The following MTUS2 variants were observed in gnomAD, a reference collection of about 807,000 sequenced individuals.
MTUS2 encodes the protein microtubule associated scaffold protein 2, also known as microtubule-associated tumor suppressor candidate 2.
In MTUS2, 40 loss-of-function variants were observed where a neutral mutation model predicts 114.1. The observed-to-expected ratio is 0.35, with a 90% CI of 0.27 to 0.46. The LOEUF (loss-of-function observed/expected upper bound fraction) is 0.46. Among genes scored for constraint, MTUS2 ranks in the 20% least tolerant of loss-of-function variants. MTUS2 has a pLI of 1.00. For missense variants in MTUS2, 1,679 were observed against 1,705.4 expected (o/e 0.98, Z 0.27); for synonymous variants, 688 against 672.0 (o/e 1.02, Z -0.37).
chr13:29,069,068 T>C (rs1043758692), intron 4 of MTUS2, among the ~76,000 whole-genome samples: 1 of 151,744 alleles, frequency 6.6e-6, no homozygotes, highest in East Asian at 1.9e-4. Context: ...AGTGGGAGGG[T>C]AGGGGATGGA....
chr13:29,162,785 C>G (rs148610410), intron 5 of MTUS2, among the ~76,000 whole-genome samples: 1 of 152,246 alleles, frequency 6.6e-6, no homozygotes, highest in Non-Finnish European at 1.5e-5. Flanking sequence ...CTTCATTTCT[C>G]GCTTTCTGAT....
At position 29,024,120 on chromosome 13, in the gene MTUS2, A is replaced by G. The variant is rs117944937; in HGVS notation, c.-242-337A>G. On this transcript the variant is annotated intron_variant, in intron 2 of 15. Coordinates refer to ENST00000612955, the MANE Select transcript of MTUS2 (RefSeq NM_001033602.4). Reference sequence around the variant, plus strand: ...GCAAAATAGTGATTTTTCAAATTCTATAATTTTTTTCTACATTCGTTGATA... The same window carrying G: ...GCAAAATAGTGATTTTTCAAATTCTGTAATTTTTTTCTACATTCGTTGATA... 6.1e-3 allele frequency among the ~76,000 whole-genome samples: 924 copies of G among 152,346 alleles called. 7 individuals are homozygous for G. Among genetic ancestry groups the G allele is most frequent in the Non-Finnish European group, 9.2e-3 (629 of 68,026 alleles).
At chr13:29,264,215 T>C (rs1329550784) in intron 5 of MTUS2, among the ~76,000 whole-genome samples, 1 of 152,170 alleles carries the variant, frequency 6.6e-6, no homozygotes, top group African/African-American at 2.4e-5. Flanking sequence ...CAAAATAATC[T>C]CCTTTGACTC....
rs117490987 is a variant in MTUS2, at chr13:28,927,815, C to T, written c.-243+87965C>T. ...AAAGACTCTCAATAGCCAAAGCAAT[C>T]CTGAGCAAAAAGAAAAAGCCGGATG... is the stretch of plus-strand genomic sequence containing the variant. On this transcript the variant is annotated intron_variant, in intron 2 of 15. Transcript: ENST00000612955. 6.5e-3 allele frequency among the ~76,000 whole-genome samples: 994 copies of T among 152,178 alleles called. 7 individuals are homozygous for T. Among genetic ancestry groups the T allele is most frequent in the East Asian group, 0.042 (218 of 5,180 alleles).
At chr13:28,896,633 G>A (rs1418609405) in intron 2 of MTUS2, among the ~76,000 whole-genome samples, 5 of 152,126 alleles carry the variant, frequency 3.3e-5, no homozygotes, top group Non-Finnish European at 4.4e-5. Context: ...GTGGCGTCAC[G>A]CTACCTGACT....
intron 4 of MTUS2, among the ~76,000 whole-genome samples, chr13:29,061,445 T>A (rs1888413291): frequency 6.6e-6 from 1 of 152,228 alleles, no homozygotes; most frequent in South Asian, 2.1e-4. Flanking sequence ...AAAGTTGTTC[T>A]TACTCAGTCT....
At chr13:28,869,089 A>G (rs1207876444) in intron 2 of MTUS2, among the ~76,000 whole-genome samples, 1 of 152,234 alleles carries the variant, frequency 6.6e-6, no homozygotes, top group Non-Finnish European at 1.5e-5. Flanking sequence ...ATGTTTACAC[A>G]GGGTTGATTT....
intron 9 of MTUS2, among the ~76,000 whole-genome samples, chr13:29,462,957 G>T (rs1370065477): frequency 2.6e-5 from 4 of 152,094 alleles, no homozygotes; most frequent in Admixed American, 2.6e-4. Context: ...GACTTTGCAG[G>T]TATGATTAAC....
intron 9 of MTUS2, 123 bp downstream of exon 9, chr13:29,440,172 T>A: frequency 1.1e-6 from 1 of 883,142 alleles, no homozygotes; most frequent in East Asian, 2.7e-5. Flanking sequence ...ATGAATGAAG[T>A]ATCTCACCCA....
At chr13:29,459,533 A>G (rs1879342725) in intron 9 of MTUS2, among the ~76,000 whole-genome samples, 1 of 152,178 alleles carries the variant, frequency 6.6e-6, no homozygotes, top group Admixed American at 6.5e-5. Context: ...CACTGGGGAT[A>G]CATTTGAAAA....
chr13:28,970,158 T>A (rs943417959), intron 2 of MTUS2, among the ~76,000 whole-genome samples: 11 of 152,186 alleles, frequency 7.2e-5, no homozygotes, highest in African/African-American at 2.2e-4. Flanking sequence ...AGTTAGAAAA[T>A]TTAGTTTTAT....
At chr13:28,906,951 C>T (rs1482060170) in intron 2 of MTUS2, among the ~76,000 whole-genome samples, 2 of 151,404 alleles carry the variant, frequency 1.3e-5, no homozygotes, top group Non-Finnish European at 2.9e-5. Flanking sequence ...ACATAATTGT[C>T]AGATTCACCA....
chr13:29,298,100 C>T (rs894899219), intron 6 of MTUS2, among the ~76,000 whole-genome samples: 1 of 152,196 alleles, frequency 6.6e-6, no homozygotes, highest in Non-Finnish European at 1.5e-5. Context: ...AACTGGCTTG[C>T]ACTGTTGTAG....
intron 2 of MTUS2, among the ~76,000 whole-genome samples, chr13:28,889,156 A>G (rs1878770481): frequency 6.6e-6 from 1 of 152,130 alleles, no homozygotes; most frequent in South Asian, 2.1e-4. Flanking sequence ...ATTTGTTCTC[A>G]GCTGTTCCCT....
chr13:29,034,267 C>A (rs1180192005), intron 4 of MTUS2, 142 bp downstream of exon 4: 43 of 1,130,896 alleles, frequency 3.8e-5, no homozygotes, highest in Non-Finnish European at 5.1e-5. Flanking sequence ...TCTGTAGATG[C>A]AGACATTTGT....
intron 8 of MTUS2, among the ~76,000 whole-genome samples, chr13:29,423,111 C>T (rs1876243487): frequency 6.6e-6 from 1 of 152,180 alleles, no homozygotes; most frequent in South Asian, 2.1e-4. Flanking sequence ...TTATCTCTCT[C>T]AAAATGAATT....
chr13:29,059,616 C>G (rs1418696193), intron 4 of MTUS2, among the ~76,000 whole-genome samples: 2 of 152,046 alleles, frequency 1.3e-5, no homozygotes, highest in Non-Finnish European at 2.9e-5. Context: ...CAGGTGTTTC[C>G]AAGGCAATAG....
At chr13:28,854,194 C>A (rs2138041176) in intron 2 of MTUS2, among the ~76,000 whole-genome samples, 1 of 152,310 alleles carries the variant, frequency 6.6e-6, no homozygotes, top group South Asian at 2.1e-4. Flanking sequence ...ACAAGAATCC[C>A]AGGTCATTTG....
intron 5 of MTUS2, among the ~76,000 whole-genome samples, chr13:29,120,628 G>T (rs1028508678): frequency 1.3e-5 from 2 of 152,080 alleles, no homozygotes; most frequent in African/African-American, 4.8e-5. Flanking sequence ...AATAAGAGAA[G>T]AATAAAAAGA....
Sources: gnomAD v4.1 joint callset for allele counts (sites outside exome capture counted in the v4.1 genomes callset) on GRCh38, gnomAD v4.1.1 for gene constraint, MANE v1.5 for transcripts, NCBI Gene and HGNC (gene_info 2026-07-23, HGNC 2026-07-21) for gene names.